The following ADAM12 variants were observed in gnomAD, a reference collection of about 807,000 sequenced individuals.
ADAM12 encodes the protein ADAM metallopeptidase domain 12.
ADAM12 carries 70 observed loss-of-function variants against 106.4 expected under a neutral mutation model. The ratio of observed to expected loss-of-function variants is 0.66; its 90% CI spans 0.54 to 0.80. ADAM12 has a LOEUF of 0.80. ADAM12 is among the 30% of genes least tolerant of loss of function. The pLI, the probability that ADAM12 is intolerant of heterozygous loss-of-function variation, is 0.00. For synonymous variants in ADAM12, 420 were observed against 433.5 expected (o/e 0.97, Z 0.39); for missense variants, 1,010 against 1,171.9 (o/e 0.86, Z 2.02).
At chr10:126,062,101 G>A (rs544922076) in intron 14 of ADAM12, among the ~76,000 whole-genome samples, 1 of 152,304 alleles carries the variant, frequency 6.6e-6, no homozygotes, top group Non-Finnish European at 1.5e-5. Context: ...AACTGAGGAG[G>A]GGCGGGCAGG....
intron 2 of ADAM12, among the ~76,000 whole-genome samples, chr10:126,321,884 C>A (rs937514605): frequency 3.0e-5 from 4 of 132,442 alleles, no homozygotes; most frequent in African/African-American, 8.4e-5. Context: ...AGTCTTCTCG[C>A]TTAACTTTCT....
chr10:126,251,455 T>C (rs7097263), intron 3 of ADAM12, among the ~76,000 whole-genome samples: 53,508 of 145,256 alleles, frequency 0.37, 9,641 homozygotes, highest in South Asian at 0.53. Context: ...GATAGATGGA[T>C]GGATGGATGG....
chr10:126,335,350 G>A (rs550613451), intron 1 of ADAM12, among the ~76,000 whole-genome samples: 1 of 152,258 alleles, frequency 6.6e-6, no homozygotes, highest in South Asian at 2.1e-4. Flanking sequence ...ATCAATCTGA[G>A]GTGCAAAAAG....
chr10:126,159,307 CAAAAAAAAAAAA>C (rs3069557), intron 3 of ADAM12, among the ~76,000 whole-genome samples: 1 of 80,630 alleles, frequency 1.2e-5, no homozygotes, highest in African/African-American at 5.6e-5. Context: ...GAGACTCCAT[CAAAAAAAAAAAA>C]AAAAAAAAAA....
intron 3 of ADAM12, among the ~76,000 whole-genome samples, chr10:126,234,191 T>C (rs1388438189): frequency 6.6e-6 from 1 of 152,234 alleles, no homozygotes; most frequent in Non-Finnish European, 1.5e-5. Flanking sequence ...GAAGGAAGGC[T>C]ATCAAAATGG....
At chr10:126,017,792 C>G (rs1953687134) in intron 22 of ADAM12, among the ~76,000 whole-genome samples, 1 of 152,176 alleles carries the variant, frequency 6.6e-6, no homozygotes, top group Admixed American at 6.5e-5. Flanking sequence ...CAGCACAGCT[C>G]CAGAGAACAG....
intron 1 of ADAM12, among the ~76,000 whole-genome samples, chr10:126,334,207 T>G (rs977450469): frequency 1.3e-5 from 2 of 152,180 alleles, no homozygotes; most frequent in Admixed American, 6.5e-5. Flanking sequence ...ACACGGGACC[T>G]GAATGATGGA....
chr10:126,213,676 T>C (rs1957939571), intron 3 of ADAM12, among the ~76,000 whole-genome samples: 1 of 152,220 alleles, frequency 6.6e-6, no homozygotes, highest in East Asian at 1.9e-4. Flanking sequence ...TAAATCTCCA[T>C]GTGACTAAAA....
At chr10:126,263,257 C>T (rs10794075) in intron 3 of ADAM12, among the ~76,000 whole-genome samples, 27,732 of 152,018 alleles carry the variant, frequency 0.18, 2,649 homozygotes, top group African/African-American at 0.23. Context: ...TTACTGAGGC[C>T]GAACATCTTA....
At chr10:126,208,691 C>T (rs964292717) in intron 3 of ADAM12, among the ~76,000 whole-genome samples, 17 of 152,232 alleles carry the variant, frequency 1.1e-4, no homozygotes, top group African/African-American at 4.1e-4. Context: ...ACTCACAAGA[C>T]AGGAAGACTG....
At chr10:126,041,866 T>G in intron 18 of ADAM12, 1 of 1,315,004 alleles carries the variant, frequency 7.6e-7, no homozygotes, top group Non-Finnish European at 9.7e-7. Flanking sequence ...AGTGGTAACC[T>G]GCTACTCTCT....
intron 3 of ADAM12, among the ~76,000 whole-genome samples, chr10:126,182,236 A>G (rs147893949): frequency 6.6e-6 from 1 of 152,318 alleles, no homozygotes; most frequent in African/African-American, 2.4e-5. Context: ...ATGTGGTACA[A>G]TCAGAAGTCT....
chr10:126,060,772 T>G (rs1158480792), intron 14 of ADAM12, among the ~76,000 whole-genome samples: 1 of 152,198 alleles, frequency 6.6e-6, no homozygotes, highest in Admixed American at 6.5e-5. Context: ...TTGTGAAGGA[T>G]TCACATCCGC....
intron 14 of ADAM12, among the ~76,000 whole-genome samples, chr10:126,058,836 A>G (rs1387892147): frequency 6.6e-6 from 1 of 152,222 alleles, no homozygotes; most frequent in Admixed American, 6.5e-5. Flanking sequence ...CACTTGTAAG[A>G]TGTTACAAAG....
chr10:126,019,412 G>A (rs1953718305), intron 22 of ADAM12, among the ~76,000 whole-genome samples: 1 of 152,182 alleles, frequency 6.6e-6, no homozygotes, highest in Admixed American at 6.5e-5. Context: ...GTGTCTTACA[G>A]GCCTGGCTTT....
chr10:126,142,987 T>C (rs1053436460), intron 4 of ADAM12, among the ~76,000 whole-genome samples: 1 of 151,892 alleles, frequency 6.6e-6, no homozygotes, highest in Non-Finnish European at 1.5e-5. Flanking sequence ...TGTGTATATA[T>C]GCATGTGTGT....
At chr10:126,203,606 T>C (rs544432845) in intron 3 of ADAM12, among the ~76,000 whole-genome samples, 15 of 152,336 alleles carry the variant, frequency 9.8e-5, no homozygotes, top group African/African-American at 3.6e-4. Context: ...TGAAGAGCTG[T>C]TCAATTTTTA....
At chr10:126,246,982 G>C (rs2133670304) in intron 3 of ADAM12, among the ~76,000 whole-genome samples, 1 of 152,210 alleles carries the variant, frequency 6.6e-6, no homozygotes, top group Non-Finnish European at 1.5e-5. Flanking sequence ...TCTATTTCTA[G>C]CAAACCCCAT....
At chr10:126,364,962 A>G (rs555739602) in intron 1 of ADAM12, among the ~76,000 whole-genome samples, 37 of 152,238 alleles carry the variant, frequency 2.4e-4, no homozygotes, top group African/African-American at 8.9e-4. Flanking sequence ...GTTTGAAAGG[A>G]GGAACTTAAT....
Sources: allele counts gnomAD v4.1 joint callset (sites outside exome capture counted in the v4.1 genomes callset), GRCh38; gene constraint gnomAD v4.1.1; transcripts MANE v1.5; gene names NCBI Gene and HGNC (gene_info 2026-07-23, HGNC 2026-07-21).